Variants in ME2 observed in about 807,000 individuals in gnomAD.
ME2 encodes malic enzyme 2, also known as NAD-dependent malic enzyme, mitochondrial.
Under a neutral mutation model 73.7 loss-of-function variants are expected in ME2, and 60 were observed. That is an observed-to-expected ratio of 0.81 (90% confidence interval 0.66 to 1.01). ME2 has a LOEUF of 1.01. Ranked by LOEUF, ME2 falls within the 50% of genes least tolerant of loss-of-function variation. The probability of loss-of-function intolerance (pLI) is 0.00; values close to 1 mark genes in which losing one functional copy is unlikely to be tolerated. For missense variants in ME2, 594 were observed against 705.5 expected, an observed-to-expected ratio of 0.84 and a Z score of 1.79; for synonymous variants, 199 against 236.9, an observed-to-expected ratio of 0.84 and a Z score of 1.47.
At chr18:50,884,685 G>T (rs1172804001) in intron 1 of ME2, among the ~76,000 whole-genome samples, 2 of 152,104 alleles carry the variant, frequency 1.3e-5, no homozygotes, top group Non-Finnish European at 2.9e-5. Context: ...TTAACTAGGA[G>T]TTGAAAATAG....
At chr18:50,916,112 A>T in intron 4 of ME2, 56 bp from the exon 5 acceptor site, 6 of 1,219,786 alleles carry the variant, frequency 4.9e-6, no homozygotes, top group Non-Finnish European at 7.1e-6. Context: ...AATTATGAAC[A>T]AAAACTTAGA....
rs1205435369 is a variant in ME2, at chr18:50,952,079, C to T, written c.*4895C>T. The T allele has an allele frequency of 6.6e-6, 1 of 152,062 alleles. No homozygotes were observed. Among genetic ancestry groups the T allele is most frequent in the Non-Finnish European group, 1.5e-5 (1 of 68,014 alleles). 9.4% of individuals were successfully genotyped at this position (152,062 alleles called of 1,614,324 possible). A position where few individuals can be genotyped will look rare whatever the true frequency, so the allele number is the denominator to read the frequency against. ...CATCCAAGACAAGACCACACGTGTT[C>T]AGGTGCCATGTATTCATATAGCTCT... On this transcript the variant is annotated 3_prime_UTR_variant, in exon 16 of 16. Coordinates refer to ENST00000321341, the MANE Select transcript of ME2 (RefSeq NM_002396.5).
intron 1 of ME2, among the ~76,000 whole-genome samples, chr18:50,880,357 C>T (rs1050257685): frequency 3.9e-4 from 60 of 152,296 alleles, no homozygotes; most frequent in African/African-American, 1.4e-3. Flanking sequence ...GCATCCTCCA[C>T]CCCCACTCCC....
chr18:50,906,488 C>T (rs1008059555), intron 2 of ME2, among the ~76,000 whole-genome samples: 4 of 151,918 alleles, frequency 2.6e-5, no homozygotes, highest in African/African-American at 9.7e-5. Flanking sequence ...AATTTTTGTA[C>T]TTTTAGTAGA....
At chr18:50,940,035 G>C (rs947761818) in intron 14 of ME2, 1 of 467,468 alleles carries the variant, frequency 2.1e-6, no homozygotes, top group Non-Finnish European at 3.7e-6. Flanking sequence ...TTTCAAAGTA[G>C]CCATTGCAAT....
Position 50,908,043 on chromosome 18 carries a change from C to T in ME2, c.109-20C>T. ...CCCCAGTAAGTAATAATTTTTAATC[C>T]TTTTATTTCTCCTCTTTAGGGAATG... On this transcript the variant is annotated intron_variant, in intron 2 of 15. Transcript: ENST00000321341. 6 of 1,503,126 alleles carry T rather than the reference C, an allele frequency of 4.0e-6. No homozygotes were observed. Among genetic ancestry groups the T allele is most frequent in the African/African-American group, 1.4e-5 (1 of 70,348 alleles). 93.1% of individuals were successfully genotyped at this position (1,503,126 alleles called of 1,614,324 possible).
At chr18:50,900,226 T>C (rs1054509897) in intron 2 of ME2, among the ~76,000 whole-genome samples, 2 of 151,856 alleles carry the variant, frequency 1.3e-5, no homozygotes, top group Non-Finnish European at 2.9e-5. Context: ...GTTTTTTTTT[T>C]TAAATAAGAA....
intron 2 of ME2, 121 bp from the exon 3 acceptor site, chr18:50,907,942 C>A: frequency 2.8e-6 from 2 of 717,408 alleles, no homozygotes; most frequent in Non-Finnish European, 4.4e-6. Flanking sequence ...GTTTTGAAAG[C>A]CTGGGCAAAA....
At chr18:50,933,684 CA>C (rs1917750551) in intron 13 of ME2, 1 of 151,146 alleles carries the variant, frequency 6.6e-6, no homozygotes, top group African/African-American at 2.4e-5. Flanking sequence ...TTTTTAGTTC[CA>C]GGGGTACATA....
Position 50,949,955 on chromosome 18 carries a change from A to G in ME2, c.*2771A>G, listed in dbSNP as rs1599134037. The G allele has an allele frequency of 6.6e-6, 1 of 152,370 alleles. No individual in the cohort carries two copies. The highest frequency in any genetic ancestry group is 3.4e-3 in the Middle Eastern group (1 of 294). The allele number at this position is 152,370 out of a possible 1,614,324, so 9.4% of individuals were successfully genotyped here. A position where few individuals can be genotyped will look rare whatever the true frequency, so the allele number is the denominator to read the frequency against. On this transcript the variant is annotated 3_prime_UTR_variant, in exon 16 of 16. Transcript: ENST00000321341. The stretch of plus-strand genomic sequence containing the variant: ...AGGCCAGAATGGCATCAAGCTGGAA[A>G]AGAAATTAAAACATTACCTTCGATG...
chr18:50,909,578 A>C (rs1052611433), intron 3 of ME2, among the ~76,000 whole-genome samples: 7 of 152,182 alleles, frequency 4.6e-5, no homozygotes, highest in Admixed American at 1.3e-4. Flanking sequence ...GAGTTTGTTA[A>C]GTATAGGAGA....
intron 7 of ME2, among the ~76,000 whole-genome samples, chr18:50,918,794 A>G (rs928793195): frequency 1.3e-5 from 2 of 151,728 alleles, no homozygotes; most frequent in African/African-American, 2.4e-5. Flanking sequence ...AGCCATGTCA[A>G]CTATGACCTT....
chr18:50,904,574 C>T (rs377590964), intron 2 of ME2, among the ~76,000 whole-genome samples: 9 of 152,192 alleles, frequency 5.9e-5, no homozygotes, highest in Admixed American at 3.3e-4. Context: ...TGAGCCACCA[C>T]GCCCAGCCTA....
intron 2 of ME2, among the ~76,000 whole-genome samples, chr18:50,904,692 A>C (rs1356113343): frequency 6.6e-6 from 1 of 152,200 alleles, no homozygotes; most frequent in Non-Finnish European, 1.5e-5. Context: ...TGCTGGGATT[A>C]CAGGCATGAG....
At chr18:50,884,938 G>A (rs1272616623) in intron 1 of ME2, among the ~76,000 whole-genome samples, 1 of 151,774 alleles carries the variant, frequency 6.6e-6, no homozygotes, top group African/African-American at 2.4e-5. Flanking sequence ...CACTGCAGCC[G>A]CCGCCTCTCG....
chr18:50,928,497 CAAAGTGCT>C (rs1356009991), intron 12 of ME2, among the ~76,000 whole-genome samples: 1 of 152,114 alleles, frequency 6.6e-6, no homozygotes, highest in East Asian at 1.9e-4. Context: ...CTCGGCCTCC[CAAAGTGCT>C]GGGATTACAG....
chr18:50,890,685 C>G (rs1916588216), intron 1 of ME2, among the ~76,000 whole-genome samples: 1 of 152,082 alleles, frequency 6.6e-6, no homozygotes, highest in Non-Finnish European at 1.5e-5. Flanking sequence ...TATAACCTTC[C>G]TCACCAAAAA....
rs1204906399 is a variant in ME2 at position 50,879,126 on chromosome 18, C to T, written c.-195C>T. On this transcript the variant is annotated 5_prime_UTR_variant, in exon 1 of 16. Transcript: ENST00000321341. ...TCCTCGCGCCCTCCCCTCTCTCGGCCGCTCTTCGGGCCGCCTCTGCGTGTG... is the reference window on the plus strand; with the variant it reads ...TCCTCGCGCCCTCCCCTCTCTCGGCTGCTCTTCGGGCCGCCTCTGCGTGTG... The T allele has an allele frequency of 6.6e-6, 1 of 152,302 alleles. No individual in the cohort carries two copies. Among genetic ancestry groups the T allele is most frequent in the Non-Finnish European group, 1.5e-5 (1 of 68,106 alleles). 9.4% of individuals were successfully genotyped at this position (152,302 alleles called of 1,614,324 possible).
intron 8 of ME2, 32 bp downstream of exon 8, chr18:50,920,597 C>G (rs763473128): frequency 6.4e-7 from 1 of 1,563,512 alleles, no homozygotes; most frequent in Non-Finnish European, 8.6e-7. Context: ...GTTTTGATTC[C>G]TACTTTTTAA....
Sources: gnomAD v4.1 joint callset for allele counts (sites outside exome capture counted in the v4.1 genomes callset) on GRCh38, gnomAD v4.1.1 for gene constraint, MANE v1.5 for transcripts, NCBI Gene and HGNC (gene_info 2026-07-23, HGNC 2026-07-21) for gene names.